PCDHA4: variants seen among roughly 807,000 people sequenced by gnomAD.
The protein encoded by PCDHA4 is protocadherin alpha-4.
PCDHA4 carries 49 observed loss-of-function variants against 61.4 expected under a neutral mutation model. The ratio of observed to expected loss-of-function variants is 0.80; its 90% CI spans 0.63 to 1.01. The LOEUF (loss-of-function observed/expected upper bound fraction) is 1.01. Among genes scored for constraint, PCDHA4 ranks in the 50% least tolerant of loss-of-function variants. The pLI is 0.00. For synonymous variants in PCDHA4, 590 were observed against 550.3 expected, an observed-to-expected ratio of 1.07 and a Z score of -1.01; for missense variants, 1,254 against 1,235.8, an observed-to-expected ratio of 1.01 and a Z score of -0.22.
At chr5:140,990,176 T>G (rs1294066255) in intron 3 of PCDHA4, among the ~76,000 whole-genome samples, 1 of 152,142 alleles carries the variant, frequency 6.6e-6, no homozygotes, top group Non-Finnish European at 1.5e-5. Context: ...AAAAGGTGAC[T>G]TTTAAGAACC....
At chr5:140,960,306 A>G (rs1554224657) in intron 1 of PCDHA4, among the ~76,000 whole-genome samples, 1 of 152,136 alleles carries the variant, frequency 6.6e-6, no homozygotes, top group African/African-American at 2.4e-5. Context: ...ATCAATACCA[A>G]CCTCATTAGG....
At chr5:140,834,038 C>T (rs1580771063) in intron 1 of PCDHA4, among the ~76,000 whole-genome samples, 1 of 152,160 alleles carries the variant, frequency 6.6e-6, no homozygotes, top group Admixed American at 6.6e-5. Context: ...CCATCAGTCG[C>T]CTAAGAATGC....
intron 1 of PCDHA4, chr5:140,881,346 A>G (rs534939044): frequency 1.0e-6 from 1 of 985,162 alleles, no homozygotes; most frequent in Non-Finnish European, 1.2e-6. Context: ...GATTCGGGCT[A>G]CAATGCGTGG....
chr5:140,847,921 C>T lies in PCDHA4; in HGVS notation c.2385+38349C>T, dbSNP rs1781251714. ...GTAGATTTCTGGGCTCCTATATTCA[C>T]TAGAGATTGCAACTCCTGGATTTCT... On this transcript the variant is annotated intron_variant, in intron 1 of 3. Transcript: ENST00000530339. 2 of 150,926 alleles carry T rather than the reference C, an allele frequency of 1.3e-5. 1 individual carries two copies. Among genetic ancestry groups the T allele is most frequent in the Non-Finnish European group, 2.9e-5 (2 of 67,862 alleles). 9.3% of individuals were successfully genotyped at this position (150,926 alleles called of 1,614,324 possible).
At chr5:140,813,586 T>C (rs191495535) in intron 1 of PCDHA4, 62 of 152,362 alleles carry the variant, frequency 4.1e-4, no homozygotes, top group African/African-American at 1.1e-3. Flanking sequence ...TGGAAATTTA[T>C]CTGCATGAGT....
At chr5:140,835,739 C>T (rs185499663) in intron 1 of PCDHA4, 6 of 1,613,584 alleles carry the variant, frequency 3.7e-6, no homozygotes, top group East Asian at 4.5e-5. Context: ...ACGACAACGC[C>T]CCGGCGTTCG....
intron 1 of PCDHA4, among the ~76,000 whole-genome samples, chr5:140,950,234 T>C (rs1423756424): frequency 1.3e-5 from 2 of 152,028 alleles, no homozygotes; most frequent in Non-Finnish European, 2.9e-5. Flanking sequence ...TCTAGTGCCA[T>C]TAATTTGTTC....
chr5:140,830,663 G>T (rs114741049), intron 1 of PCDHA4: 3 of 406,220 alleles, frequency 7.4e-6, no homozygotes, highest in Non-Finnish European at 1.2e-5. Context: ...CATAATTTAA[G>T]TGAAATTAGA....
intron 1 of PCDHA4, chr5:140,883,158 C>A: frequency 2.5e-6 from 4 of 1,613,710 alleles, no homozygotes; most frequent in Non-Finnish European, 3.4e-6. Flanking sequence ...ACCATAAATC[C>A]GAACAATGGA....
chr5:140,835,505 G>A (rs2150237079), intron 1 of PCDHA4: 1 of 1,613,954 alleles, frequency 6.2e-7, no homozygotes, highest in Admixed American at 1.7e-5. Flanking sequence ...TGATTAGCGT[G>A]TTTGACCGAG....
At chr5:140,871,097 T>A in intron 1 of PCDHA4, 1 of 1,613,266 alleles carries the variant, frequency 6.2e-7, no homozygotes, top group Admixed American at 1.7e-5. Flanking sequence ...GCCACCGTGC[T>A]GGTGTCGTTG....
intron 1 of PCDHA4, among the ~76,000 whole-genome samples, chr5:140,978,477 G>A (rs1362771671): frequency 6.6e-6 from 1 of 152,342 alleles, no homozygotes; most frequent in African/African-American, 2.4e-5. Context: ...ATATGCTGCA[G>A]TCTGCAAAGC....
intron 1 of PCDHA4, chr5:140,882,534 G>A (rs1554174427): frequency 8.7e-6 from 14 of 1,614,086 alleles, no homozygotes; most frequent in Non-Finnish European, 1.1e-5. Flanking sequence ...GTGAATTCTC[G>A]GATCGACCGC....
chr5:140,823,889 C>T, intron 1 of PCDHA4: 1 of 1,613,944 alleles, frequency 6.2e-7, no homozygotes, highest in Non-Finnish European at 8.5e-7. Flanking sequence ...GCCATCTGTG[C>T]GGTGTCCAGC....
intron 1 of PCDHA4, chr5:140,869,390 G>A: frequency 1.2e-6 from 2 of 1,614,230 alleles, no homozygotes; most frequent in Non-Finnish European, 1.7e-6. Flanking sequence ...GAGGAGCTGT[G>A]CGGGCAGAGC....
chr5:140,999,180 GAGA>G (rs1554256675), intron 3 of PCDHA4, among the ~76,000 whole-genome samples: 1 of 152,238 alleles, frequency 6.6e-6, no homozygotes, highest in East Asian at 1.9e-4. Context: ...GCCTGATGGG[GAGA>G]GGGTCCTTGG....
intron 1 of PCDHA4, chr5:140,860,372 C>A (rs1315450697): frequency 1.3e-5 from 2 of 151,984 alleles, no homozygotes; most frequent in Non-Finnish European, 2.9e-5. Flanking sequence ...CAAAGTGAGA[C>A]CCTATTTCAA....
chr5:140,828,007 A>G, intron 1 of PCDHA4: 1 of 1,504,268 alleles, frequency 6.6e-7, no homozygotes, highest in Non-Finnish European at 8.9e-7. Flanking sequence ...ACGCAGAAGA[A>G]ATGGATTAAT....
At chr5:140,992,605 A>C (rs2097521923) in intron 3 of PCDHA4, among the ~76,000 whole-genome samples, 1 of 152,166 alleles carries the variant, frequency 6.6e-6, no homozygotes, top group South Asian at 2.1e-4. Flanking sequence ...TCTGTGTCTA[A>C]GTGAAAGCAG....
Sources: allele counts gnomAD v4.1 joint callset (sites outside exome capture counted in the v4.1 genomes callset), GRCh38; gene constraint gnomAD v4.1.1; transcripts MANE v1.5; gene names NCBI Gene and HGNC (gene_info 2026-07-23, HGNC 2026-07-21).